RAB38: variants seen among roughly 807,000 people sequenced by gnomAD.
RAB38 encodes the protein ras-related protein Rab-38.
In RAB38, 15 loss-of-function variants were observed where a neutral mutation model predicts 18.4. The ratio of observed to expected loss-of-function variants is 0.82; its 90% CI spans 0.55 to 1.26. RAB38 has a LOEUF of 1.26. Among genes scored for constraint, RAB38 ranks in the 50% most tolerant of loss-of-function variants. RAB38 has a pLI of 0.00. For synonymous variants in RAB38, 101 were observed against 104.4 expected (o/e 0.97, Z 0.20); for missense variants, 294 against 267.4 (o/e 1.10, Z -0.69).
the RAB38 span, among the ~76,000 whole-genome samples, chr11:87,976,674 T>C: frequency 1.6e-5 from 1 of 61,040 alleles, no homozygotes; most frequent in South Asian, 3.7e-4. Context: ...TTTTATATGA[T>C]ATATATTTAT....
At chr11:87,834,015 A>C in the RAB38 span, among the ~76,000 whole-genome samples, 1 of 152,246 alleles carries the variant, frequency 6.6e-6, no homozygotes, top group African/African-American at 2.4e-5. Context: ...AACTGTGTCC[A>C]GCTGGAAGCT....
At chr11:87,855,061 C>T in the RAB38 span, among the ~76,000 whole-genome samples, 3 of 152,128 alleles carry the variant, frequency 2.0e-5, no homozygotes, top group Non-Finnish European at 4.4e-5. Flanking sequence ...TCCCAAAGTG[C>T]TGGGATTACA....
chr11:87,886,430 G>C, the RAB38 span, among the ~76,000 whole-genome samples: 1 of 151,928 alleles, frequency 6.6e-6, no homozygotes, highest in East Asian at 2.0e-4. Flanking sequence ...AAGAAAAATA[G>C]CTACCAGGGT....
At chr11:87,853,466 G>GGTGCT in the RAB38 span, among the ~76,000 whole-genome samples, 2 of 152,170 alleles carry the variant, frequency 1.3e-5, no homozygotes, top group African/African-American at 4.8e-5. Context: ...TAAATGTGCT[G>GGTGCT]GCGCCTTGGT....
the RAB38 span, among the ~76,000 whole-genome samples, chr11:88,005,298 T>A: frequency 0.85 from 127,687 of 150,728 alleles, 54,189 homozygotes; most frequent in South Asian, 0.91. Context: ...AGATTAGTTG[T>A]AAGAAACAGA....
chr11:87,953,949 T>C, the RAB38 span, among the ~76,000 whole-genome samples: 2 of 152,042 alleles, frequency 1.3e-5, no homozygotes, highest in Admixed American at 6.6e-5. Context: ...CCTGTTTTGA[T>C]GTAAATCTAC....
chr11:88,036,570 TTCC>T, the RAB38 span, among the ~76,000 whole-genome samples: 38 of 152,260 alleles, frequency 2.5e-4, no homozygotes, highest in African/African-American at 9.1e-4. Context: ...TTCTGTGCAT[TTCC>T]TTTTTTCTTA....
the RAB38 span, among the ~76,000 whole-genome samples, chr11:87,901,269 G>A: frequency 6.6e-6 from 1 of 151,574 alleles, no homozygotes; most frequent in South Asian, 2.1e-4. Flanking sequence ...TTCTGTATCT[G>A]TGTTTCCCTT....
chr11:88,004,717 A>G, the RAB38 span, among the ~76,000 whole-genome samples: 5 of 151,348 alleles, frequency 3.3e-5, no homozygotes, highest in Non-Finnish European at 7.4e-5. Context: ...ATATGACATG[A>G]TTATTCACAT....
the RAB38 span, among the ~76,000 whole-genome samples, chr11:87,965,483 T>C: frequency 9.9e-5 from 15 of 152,160 alleles, no homozygotes; most frequent in Admixed American, 9.8e-4. Context: ...TCCCAGTTCA[T>C]GTTCATTTAC....
the RAB38 span, among the ~76,000 whole-genome samples, chr11:87,856,776 C>G: frequency 6.6e-6 from 1 of 151,964 alleles, no homozygotes; most frequent in Non-Finnish European, 1.5e-5. Context: ...TGAACCAGTA[C>G]TTGTAAATGA....
chr11:87,868,605 G>GAGAGAGAGAGAGAGAA, the RAB38 span, among the ~76,000 whole-genome samples: 1 of 76,248 alleles, frequency 1.3e-5, no homozygotes, highest in Non-Finnish European at 3.0e-5. Context: ...GAGAGAGAGA[G>GAGAGAGAGAGAGAGAA]AGAGAGAGAG....
the RAB38 span, among the ~76,000 whole-genome samples, chr11:88,076,781 C>G: frequency 7.3e-6 from 1 of 136,164 alleles, no homozygotes; most frequent in Non-Finnish European, 1.6e-5. Flanking sequence ...AACCCCATCT[C>G]TACTTAAAAT....
chr11:88,072,480 G>A, the RAB38 span, among the ~76,000 whole-genome samples: 2 of 152,174 alleles, frequency 1.3e-5, no homozygotes, highest in African/African-American at 4.8e-5. Flanking sequence ...TGAAATGACA[G>A]AAGGAGAAGA....
At chr11:87,870,264 C>T in the RAB38 span, among the ~76,000 whole-genome samples, 3 of 151,540 alleles carry the variant, frequency 2.0e-5, no homozygotes, top group Non-Finnish European at 3.0e-5. Flanking sequence ...CAAAAGCTTT[C>T]ACAGTTCTGT....
In RAB38 at chr11:88,127,239, G is replaced by A. The variant is rs188101474; in HGVS notation, c.484-13099C>T. ...CATTCTGGGCTGGAATGCATGAGGGGAACTAAAGCACCATAATGAACTGGG... is the reference window on the plus strand; with the variant it reads ...CATTCTGGGCTGGAATGCATGAGGGAAACTAAAGCACCATAATGAACTGGG... On this transcript the variant is annotated intron_variant, in intron 2 of 2. Coordinates refer to ENST00000243662, the MANE Select transcript of RAB38 (RefSeq NM_022337.3). 4.2e-3 allele frequency among the ~76,000 whole-genome samples: 644 copies of A among 152,270 alleles called. 2 individuals carry two copies. Among genetic ancestry groups the A allele is most frequent in the Non-Finnish European group, 7.0e-3 (476 of 68,014 alleles).
the RAB38 span, among the ~76,000 whole-genome samples, chr11:87,887,666 T>C: frequency 5.9e-5 from 9 of 152,096 alleles, no homozygotes; most frequent in Non-Finnish European, 1.2e-4. Context: ...TGGAAGATGA[T>C]AGGATCTCAA....
the RAB38 span, among the ~76,000 whole-genome samples, chr11:87,930,929 T>G: frequency 6.6e-6 from 1 of 152,284 alleles, no homozygotes; most frequent in Non-Finnish European, 1.5e-5. Flanking sequence ...TCTATATCTC[T>G]GTTTTGGTAC....
chr11:88,033,572 A>G, the RAB38 span, among the ~76,000 whole-genome samples: 1 of 151,952 alleles, frequency 6.6e-6, no homozygotes, highest in Non-Finnish European at 1.5e-5. Flanking sequence ...CTCCATGAAA[A>G]ATTGATATTG....
Sources: allele counts gnomAD v4.1 joint callset (sites outside exome capture counted in the v4.1 genomes callset), GRCh38; gene constraint gnomAD v4.1.1; transcripts MANE v1.5; gene names NCBI Gene and HGNC (gene_info 2026-07-23, HGNC 2026-07-21).